IFT80: variants seen among roughly 807,000 people sequenced by gnomAD.
The protein encoded by IFT80 is intraflagellar transport 80.
IFT80 carries 79 observed loss-of-function variants against 107.9 expected under a neutral mutation model. That is an observed-to-expected ratio of 0.73 (90% CI 0.61 to 0.88). The LOEUF is 0.88. IFT80 is among the 40% of genes least tolerant of loss of function. The pLI, the probability that IFT80 is intolerant of heterozygous loss-of-function variation, is 0.00. For missense variants in IFT80, 797 were observed against 914.2 expected (o/e 0.87, Z 1.65); for synonymous variants, 299 against 300.9 (o/e 0.99, Z 0.07).
intron 19 of IFT80, among the ~76,000 whole-genome samples, chr3:160,262,733 A>G (rs1039589648): frequency 6.6e-6 from 1 of 152,178 alleles, no homozygotes; most frequent in Non-Finnish European, 1.5e-5. Flanking sequence ...AAAGGGGGAG[A>G]ATAGAGCTCT....
At chr3:160,304,104 C>T (rs954488316) in intron 10 of IFT80, 115 bp from the exon 11 acceptor site, 7 of 728,472 alleles carry the variant, frequency 9.6e-6, no homozygotes, top group African/African-American at 1.8e-5. Flanking sequence ...CAATTATATA[C>T]ATACTTTTAT....
At chr3:160,295,205 A>C (rs1010747742) in intron 12 of IFT80, among the ~76,000 whole-genome samples, 2 of 152,222 alleles carry the variant, frequency 1.3e-5, no homozygotes, top group East Asian at 3.9e-4. Flanking sequence ...TGCTTTAAGA[A>C]GACAACATGT....
intron 6 of IFT80, among the ~76,000 whole-genome samples, chr3:160,364,996 T>C (rs536019740): frequency 7.2e-6 from 1 of 137,972 alleles, no homozygotes; most frequent in Non-Finnish European, 1.6e-5. Context: ...GAACTTAAAG[T>C]ATAATTAAAA....
intron 8 of IFT80, among the ~76,000 whole-genome samples, chr3:160,334,802 T>A (rs1477132238): frequency 8.3e-6 from 1 of 119,762 alleles, no homozygotes; most frequent in Non-Finnish European, 1.9e-5. Context: ...CAGACTCTCA[T>A]AGCTTTTTTT....
intron 8 of IFT80, among the ~76,000 whole-genome samples, chr3:160,326,717 T>C: frequency 6.6e-6 from 1 of 152,050 alleles, no homozygotes; most frequent in East Asian, 1.9e-4. Flanking sequence ...AGTATCACAC[T>C]GAAAGGGCAA....
intron 18 of IFT80, among the ~76,000 whole-genome samples, chr3:160,272,254 A>G (rs1384326786): frequency 6.6e-6 from 1 of 152,192 alleles, no homozygotes; most frequent in Non-Finnish European, 1.5e-5. Flanking sequence ...AACACTTATG[A>G]GTGAAACAGA....
rs377600955 is a variant in IFT80, at chr3:160,259,277, T to G, written c.2224-642A>C. On this transcript the variant is annotated intron_variant, in intron 19 of 19. Coordinates refer to ENST00000326448, the MANE Select transcript of IFT80 (RefSeq NM_020800.3). The stretch of plus-strand genomic sequence containing the variant: ...ACATCTAAACAGTCCCATGGAGCCT[T>G]AGGATTGTGTACACGTGCTCAGGGA... Among the ~76,000 whole-genome samples the G allele has an allele frequency of 3.9e-5, 6 of 152,254 alleles. No individual in the cohort carries two copies. The East Asian group carries it at 1.2e-3, about 29-fold the overall frequency.
chr3:160,305,838 T>C (rs1464377927), intron 10 of IFT80, among the ~76,000 whole-genome samples: 3 of 152,160 alleles, frequency 2.0e-5, no homozygotes, highest in Non-Finnish European at 4.4e-5. Context: ...AAATCCCTGC[T>C]TTCCTTTAGT....
chr3:160,283,567 T>G (rs920042954), intron 13 of IFT80, among the ~76,000 whole-genome samples: 5 of 152,190 alleles, frequency 3.3e-5, no homozygotes. Context: ...AAGAAAAGAA[T>G]TTGGTTTCAT....
At chr3:160,326,201 TAAAAC>T (rs1266299167) in intron 8 of IFT80, among the ~76,000 whole-genome samples, 2 of 151,974 alleles carry the variant, frequency 1.3e-5, no homozygotes, top group East Asian at 1.9e-4. Flanking sequence ...ACTCTAGTAA[TAAAAC>T]AATATAATCA....
rs1713231161 is a variant in IFT80, at chr3:160,389,856, T to A, written c.-46-5210A>T. Among the ~76,000 whole-genome samples, 3 of 152,164 alleles carry A rather than the reference T, an allele frequency of 2.0e-5. No individual in the cohort carries two copies. The South Asian group carries it at 6.2e-4, about 32-fold the overall frequency. ...TTTGGGTATATACCCACTAATGGGATGGCTGGGTCAAATGGTATTTCTAGT... is the reference window on the plus strand; with the variant it reads ...TTTGGGTATATACCCACTAATGGGAAGGCTGGGTCAAATGGTATTTCTAGT... On this transcript the variant is annotated intron_variant, in intron 1 of 19. Transcript: ENST00000326448.
chr3:160,264,850 T>C (rs902477708), intron 19 of IFT80, among the ~76,000 whole-genome samples: 3 of 152,162 alleles, frequency 2.0e-5, no homozygotes, highest in African/African-American at 7.2e-5. Context: ...GCTTTTACTC[T>C]TTCCTACTTT....
At chr3:160,312,277 T>C (rs1053980404) in intron 9 of IFT80, among the ~76,000 whole-genome samples, 2 of 151,846 alleles carry the variant, frequency 1.3e-5, no homozygotes, top group Middle Eastern at 3.2e-3. Flanking sequence ...ACTACACATA[T>C]GAAGCCCCAT....
intron 14 of IFT80, among the ~76,000 whole-genome samples, chr3:160,281,143 C>T (rs959442288): frequency 2.0e-5 from 3 of 152,128 alleles, no homozygotes; most frequent in Non-Finnish European, 2.9e-5. Context: ...TGAGGAATAC[C>T]GTCCCCTCAA....
Position 160,356,118 on chromosome 3 carries a change from A to G in IFT80, c.672T>C (p.Asn224=), listed in dbSNP as rs911536864. 1 of 1,614,176 alleles carries G rather than the reference A, an allele frequency of 6.2e-7. No individual in the cohort carries two copies. Among genetic ancestry groups the G allele is most frequent in the South Asian group, 1.1e-5 (1 of 91,092 alleles). The change falls in exon 8 of 20, where the codon AAT becomes AAC. Residue 224 remains asparagine (N), a synonymous_variant. Transcript: ENST00000326448. ...VWDSYGRPLY[N]SQPHEHPITS... is the part of the protein sequence containing the mutation. Reference sequence around the variant, plus strand: ...TAATGGGATGCTCATGAGGTTGTGAATTGTACAGTGGGCGGCCGTAACTAT... The same window carrying G: ...TAATGGGATGCTCATGAGGTTGTGAGTTGTACAGTGGGCGGCCGTAACTAT...
In IFT80 at chr3:160,269,183, C is replaced by T. The variant is rs531081544; in HGVS notation, c.2100-647G>A. On this transcript the variant is annotated intron_variant, in intron 18 of 19. Coordinates refer to ENST00000326448, the MANE Select transcript of IFT80 (RefSeq NM_020800.3). ...GGTGGAAGTTGCAGTGAGCTGAGAT[C>T]GCGCCACTGCATTCCGGCCTGGGTG... is the stretch of plus-strand genomic sequence containing the variant. Among the ~76,000 whole-genome samples, 5 of 149,156 alleles carry T rather than the reference C, an allele frequency of 3.4e-5. No homozygotes were observed. The South Asian group carries it at 6.4e-4, about 19-fold the overall frequency.
intron 11 of IFT80, among the ~76,000 whole-genome samples, chr3:160,301,389 A>C (rs1324487655): frequency 1.3e-5 from 2 of 152,000 alleles, no homozygotes; most frequent in Non-Finnish European, 2.9e-5. Context: ...AAAATCGTAT[A>C]ATTTACAATA....
At chr3:160,285,510 A>C (rs950236538) in intron 13 of IFT80, among the ~76,000 whole-genome samples, 2 of 152,232 alleles carry the variant, frequency 1.3e-5, no homozygotes, top group Non-Finnish European at 2.9e-5. Context: ...TAAGTGCTAA[A>C]ATTTTAATCA....
chr3:160,382,094 A>T (rs1465823123), intron 2 of IFT80, among the ~76,000 whole-genome samples: 3 of 152,192 alleles, frequency 2.0e-5, no homozygotes, highest in African/African-American at 7.2e-5. Context: ...GGGGATAGGT[A>T]GGGAGCAAAG....
Sources: allele counts gnomAD v4.1 joint callset (sites outside exome capture counted in the v4.1 genomes callset), GRCh38; gene constraint gnomAD v4.1.1; transcripts MANE v1.5; gene names NCBI Gene and HGNC (gene_info 2026-07-23, HGNC 2026-07-21).